The following UBN1 variants were observed in gnomAD, a reference collection of about 807,000 sequenced individuals.
UBN1 encodes ubinuclein-1.
In UBN1, 17 loss-of-function variants were observed where a neutral mutation model predicts 108.5. That is an observed-to-expected ratio of 0.16 (90% CI 0.11 to 0.24). UBN1 has a LOEUF of 0.24. Among genes scored for constraint, UBN1 ranks in the 10% least tolerant of loss-of-function variants. The pLI is 1.00. For missense variants in UBN1, 1,595 were observed against 1,394.4 expected (o/e 1.14, Z -2.29); for synonymous variants, 726 against 564.2 (o/e 1.29, Z -4.07).
Position 4,853,017 on chromosome 16 carries a change from C to G in UBN1, c.100C>G (p.Gln34Glu). Residue 34 changes from glutamine to glutamate, a missense_variant, in exon 2 of 18, where the codon CAG becomes GAG. Physicochemically the swap from Gln to Glu is conservative, Grantham distance 29. This residue lies in a region of UBN1 where 181 missense variants were observed against 157.3 expected (regional missense o/e 1.15). Coordinates refer to ENST00000262376, the MANE Select transcript of UBN1 (RefSeq NM_001079514.3). ...GAAGGAGGAGGCTGGGGCAGGAGAA[C>G]AGCATCAGGACTGTGAGCCGGCTGC... ...SRKEEAGAGE[Q>E]HQDCEPAAAA... 3 of 1,614,244 alleles carry G rather than the reference C, an allele frequency of 1.9e-6. No homozygotes were observed. The highest frequency in any genetic ancestry group is 2.5e-6 in the Non-Finnish European group (3 of 1,180,046).
Position 4,877,227 on chromosome 16 carries a change from A to G in UBN1, c.3265+116A>G. ...AGTCTGGTGTGTGACTGTGGGGAAC[A>G]TCTCCGGGAACTGTGCCAAGCCCCC... On this transcript the variant is annotated intron_variant, in intron 16 of 17. Coordinates refer to ENST00000262376, the MANE Select transcript of UBN1 (RefSeq NM_001079514.3). This position sits in a 1 kb window ranked among gnomAD's most constrained non-coding sequence, Gnocchi z 4.3. 1 of 1,514,268 alleles carries G rather than the reference A, an allele frequency of 6.6e-7. No individual in the cohort carries two copies. The highest frequency in any genetic ancestry group is 2.3e-5 in the East Asian group (1 of 43,928). The allele number at this position is 1,514,268 out of a possible 1,614,324, so 93.8% of individuals were successfully genotyped here.
At chr16:4,852,112 G>A (rs529052158) in intron 1 of UBN1, 2 of 152,254 alleles carry the variant, frequency 1.3e-5, no homozygotes, top group South Asian at 2.1e-4. Flanking sequence ...TATTGGTATG[G>A]TAGAAAGTTC....
rs146017985 is a variant in UBN1, at chr16:4,851,856, C to G, written c.-39-1023C>G. ...AGAAAAAAGTTAACATTTCTTTCAT[C>G]ATACCTCACTCTAAGCAACACTAAA... is the stretch of plus-strand genomic sequence containing the variant. On this transcript the variant is annotated intron_variant, in intron 1 of 17. Coordinates refer to ENST00000262376, the MANE Select transcript of UBN1 (RefSeq NM_001079514.3). Among the ~76,000 whole-genome samples, 8 of 152,126 alleles carry G rather than the reference C, an allele frequency of 5.3e-5. No individual in the cohort carries two copies. The East Asian group carries it at 1.5e-3, about 29-fold the overall frequency.
intron 7 of UBN1, among the ~76,000 whole-genome samples, chr16:4,865,790 A>G (rs2087300490): frequency 6.6e-6 from 1 of 152,046 alleles, no homozygotes; most frequent in Non-Finnish European, 1.5e-5. Flanking sequence ...GTGAAACCCC[A>G]TCTCTACTAA....
chr16:4,870,529 A>T lies in UBN1; in HGVS notation c.1325A>T (p.Lys442Met). Residue 442 changes from lysine to methionine, a missense_variant, in exon 10 of 18, where the codon AAG (lysine) becomes ATG (methionine). By Grantham distance (95) the Lys-to-Met change is moderately conservative. This residue lies in a region of UBN1 where 1,398 missense variants were observed against 1,194.7 expected (regional missense o/e 1.17). Coordinates refer to ENST00000262376, the MANE Select transcript of UBN1 (RefSeq NM_001079514.3). Reference protein sequence around the residue: ...LHLYEQGGRLKEPLQKLKEAI... With the variant: ...LHLYEQGGRLMEPLQKLKEAI... ...CGCTCTTCGCAGGGGGGCCGTCTGA[A>T]GGAGCCTCTCCAGAAGCTCAAGGAA... The T allele has an allele frequency of 6.2e-7, 1 of 1,614,236 alleles. No individual in the cohort carries two copies. The highest frequency in any genetic ancestry group is 8.5e-7 in the Non-Finnish European group (1 of 1,180,022).
At chr16:4,849,825 A>G (rs889849555) in intron 1 of UBN1, among the ~76,000 whole-genome samples, 3 of 151,512 alleles carry the variant, frequency 2.0e-5, no homozygotes, top group Non-Finnish European at 4.4e-5. Context: ...TTAAACTCCT[A>G]GGCTCCAGCG....
intron 2 of UBN1, among the ~76,000 whole-genome samples, chr16:4,855,685 G>A (rs960383445): frequency 2.0e-5 from 3 of 151,444 alleles, no homozygotes; most frequent in Non-Finnish European, 2.9e-5. Context: ...TTGGGTGGCC[G>A]AGGCAGGCGG....
chr16:4,862,911 T>G (rs1456794187), intron 7 of UBN1, among the ~76,000 whole-genome samples: 2 of 152,164 alleles, frequency 1.3e-5, no homozygotes, highest in African/African-American at 4.8e-5. Flanking sequence ...CAGGATCCCA[T>G]AGTCAAGGTG....
chr16:4,868,012 A>G (rs1210785599), intron 7 of UBN1, among the ~76,000 whole-genome samples: 1 of 152,086 alleles, frequency 6.6e-6, no homozygotes, highest in Non-Finnish European at 1.5e-5. Context: ...CACTTTTGAG[A>G]GTGTGCATTC....
chr16:4,877,590 T>C lies in UBN1; in HGVS notation c.3355+116T>C. On this transcript the variant is annotated intron_variant, in intron 17 of 17. Coordinates refer to ENST00000262376, the MANE Select transcript of UBN1 (RefSeq NM_001079514.3). The surrounding 1 kb of genome is among the most constrained non-coding windows in gnomAD (Gnocchi z 4.3). ...TCTTTGCCTTGACGCTGTTGTTGTTTTGGTTTGTCCTTTGAGGCTGTGCTT... is the reference window on the plus strand; with the variant it reads ...TCTTTGCCTTGACGCTGTTGTTGTTCTGGTTTGTCCTTTGAGGCTGTGCTT... 1.4e-6 allele frequency: 2 copies of C among 1,445,170 alleles called. No homozygotes were observed. The highest frequency in any genetic ancestry group is 1.8e-6 in the Non-Finnish European group (2 of 1,103,494). 89.5% of individuals were successfully genotyped at this position (1,445,170 alleles called of 1,614,324 possible).
Position 4,877,798 on chromosome 16 carries a change from TAAA to T in UBN1, c.3355+337_3355+339del, listed in dbSNP as rs34192021. ...TCGGCTTGTTTTTTTCTCTTCAGTT[TAAA>T]AAAAAAAAAAAAGGGAAGGTAATGG... On this transcript the variant is annotated intron_variant, in intron 17 of 17. Transcript: ENST00000262376. This position sits in a 1 kb window ranked among gnomAD's most constrained non-coding sequence, Gnocchi z 4.3. The T allele has an allele frequency of 9.2e-5, 89 of 964,122 alleles. No individual in the cohort carries two copies. Among genetic ancestry groups the T allele is most frequent in the East Asian group, 6.0e-4 (6 of 10,082 alleles). 59.7% of individuals were successfully genotyped at this position (964,122 alleles called of 1,614,324 possible). A position where few individuals can be genotyped will look rare whatever the true frequency, so the allele number is the denominator to read the frequency against.
In UBN1 at chr16:4,877,570, GCC is replaced by G; in HGVS notation, c.3355+97_3355+98del. 6.8e-7 allele frequency: 1 copy of G among 1,465,990 alleles called. No individual in the cohort carries two copies. Among genetic ancestry groups the G allele is most frequent in the East Asian group, 2.5e-5 (1 of 39,952 alleles). The allele number at this position is 1,465,990 out of a possible 1,614,324, so 90.8% of individuals were successfully genotyped here. ...CGCTGCCAAGGGTCTTGGTGTCTTT[GCC>G]TTGACGCTGTTGTTGTTTTGGTTTG... is the stretch of plus-strand genomic sequence containing the variant. On this transcript the variant is annotated intron_variant, in intron 17 of 17. Coordinates refer to ENST00000262376, the MANE Select transcript of UBN1 (RefSeq NM_001079514.3). The surrounding 1 kb of genome is among the most constrained non-coding windows in gnomAD (Gnocchi z 4.3).
At chr16:4,870,079 G>T (rs564105860) in intron 8 of UBN1, 133 bp from the exon 9 acceptor site, 2 of 1,341,140 alleles carry the variant, frequency 1.5e-6, no homozygotes, top group Admixed American at 4.4e-5. Flanking sequence ...TGGGCATTCA[G>T]TTACATTGTG....
At chr16:4,865,649 G>A (rs1226664823) in intron 7 of UBN1, among the ~76,000 whole-genome samples, 6 of 152,088 alleles carry the variant, frequency 3.9e-5, no homozygotes, top group East Asian at 1.9e-4. Context: ...CAGAATGGGT[G>A]ACAGAGTGAG....
At chr16:4,878,516 T>A (rs906104598) in intron 17 of UBN1, among the ~76,000 whole-genome samples, 3 of 152,086 alleles carry the variant, frequency 2.0e-5, no homozygotes, top group Non-Finnish European at 4.4e-5. Context: ...AATCTGTAAA[T>A]CTCCACAATG....
At chr16:4,849,949 C>CAAAAAAAAAAAAAAAAAAAAAAAAAA (rs751842571) in intron 1 of UBN1, among the ~76,000 whole-genome samples, 2 of 72,208 alleles carry the variant, frequency 2.8e-5, no homozygotes, top group African/African-American at 5.9e-5. Context: ...AACTGTCTCA[C>CAAAAAAAAAAAAAAAAAAAAAAAAAA]AAAAAAAAAA....
In UBN1 at chr16:4,860,867, T is replaced by C; in HGVS notation, c.875T>C (p.Leu292Pro). ...GGTGCCTCTGACCCCTTGCTCTCACTCTTTGGCTCTACTTCTGACAACGAC... is the reference window on the plus strand; with the variant it reads ...GGTGCCTCTGACCCCTTGCTCTCACCCTTTGGCTCTACTTCTGACAACGAC... The part of the protein sequence containing the change: ...LEGASDPLLS[L>P]FGSTSDNDLL... Residue 292 changes from leucine (L) to proline (P), a missense_variant, in exon 7 of 18, where the codon CTC (leucine) becomes CCC (proline). By Grantham distance (98) the Leu-to-Pro change is moderately conservative. Around this residue, in one of 3 missense-constraint regions of UBN1, gnomAD observed 1,398 missense variants for 1,194.7 expected, o/e 1.17. Coordinates refer to ENST00000262376, the MANE Select transcript of UBN1 (RefSeq NM_001079514.3). 1 of 1,614,238 alleles carries C rather than the reference T, an allele frequency of 6.2e-7. No individual in the cohort carries two copies. Among genetic ancestry groups the C allele is most frequent in the South Asian group, 1.1e-5 (1 of 91,084 alleles).
intron 7 of UBN1, among the ~76,000 whole-genome samples, chr16:4,861,358 T>A (rs1261212785): frequency 6.6e-6 from 1 of 152,240 alleles, no homozygotes. Flanking sequence ...TCTCTTTCTG[T>A]TTTCTGTCAG....
intron 3 of UBN1, 72 bp from the exon 4 acceptor site, chr16:4,858,496 T>C: frequency 7.2e-7 from 1 of 1,382,400 alleles, no homozygotes; most frequent in Non-Finnish European, 1.0e-6. Context: ...TCATAGCTGA[T>C]GAAGTTCAAG....
Sources: gnomAD v4.1 joint callset for allele counts (sites outside exome capture counted in the v4.1 genomes callset) on GRCh38, gnomAD v4.1.1 for gene constraint, gnomAD v4.1.1 regional missense constraint, Gnocchi (gnomAD v3.1) non-coding constraint, MANE v1.5 for transcripts, NCBI Gene and HGNC (gene_info 2026-07-23, HGNC 2026-07-21) for gene names.